NCAPG2: variants seen among roughly 807,000 people sequenced by gnomAD.
NCAPG2 encodes the protein condensin-2 complex subunit G2.
Under a neutral mutation model 141.1 loss-of-function variants are expected in NCAPG2, and 53 were observed. The observed-to-expected ratio is 0.38, with a 90% CI of 0.30 to 0.47. The LOEUF (loss-of-function observed/expected upper bound fraction) is 0.47, where lower values mean the gene tolerates loss of function less well. Among genes scored for constraint, NCAPG2 ranks in the 20% least tolerant of loss-of-function variants. NCAPG2 has a pLI of 0.99. For missense variants in NCAPG2, 1,087 were observed against 1,389.0 expected (o/e 0.78, Z 3.46); for synonymous variants, 499 against 490.7 (o/e 1.02, Z -0.22).
At chr7:158,670,942 C>A (rs1392905738) in intron 13 of NCAPG2, among the ~76,000 whole-genome samples, 1 of 152,152 alleles carries the variant, frequency 6.6e-6, no homozygotes, top group East Asian at 1.9e-4. Flanking sequence ...ATAATGAAGT[C>A]AAGAACATTA....
At chr7:158,658,663 C>G (rs897942180) in intron 16 of NCAPG2, among the ~76,000 whole-genome samples, 1 of 152,042 alleles carries the variant, frequency 6.6e-6, no homozygotes, top group Non-Finnish European at 1.5e-5. Flanking sequence ...TTGCTATGTA[C>G]CCAGTACCAA....
At chr7:158,679,163 T>G (rs1834290625) in intron 11 of NCAPG2, among the ~76,000 whole-genome samples, 1 of 152,250 alleles carries the variant, frequency 6.6e-6, no homozygotes, top group Non-Finnish European at 1.5e-5. Flanking sequence ...CCTATTATAC[T>G]ATTACTTTAA....
At chr7:158,690,879 T>C (rs968926054) in intron 4 of NCAPG2, among the ~76,000 whole-genome samples, 157 bp from the exon 5 acceptor site, 1 of 152,202 alleles carries the variant, frequency 6.6e-6, no homozygotes, top group African/African-American at 2.4e-5. Flanking sequence ...TATACATTAG[T>C]TATAAAATGC....
intron 15 of NCAPG2, among the ~76,000 whole-genome samples, chr7:158,663,222 GAA>G (rs569629291): frequency 6.6e-6 from 1 of 152,174 alleles, no homozygotes; most frequent in East Asian, 1.9e-4. Context: ...CCTGAGAGAA[GAA>G]ACTCAAACTC....
At chr7:158,683,579 T>C (rs6956496) in intron 8 of NCAPG2, among the ~76,000 whole-genome samples, 193 bp from the exon 9 acceptor site, 45,807 of 152,172 alleles carry the variant, frequency 0.3, 7,110 homozygotes, top group East Asian at 0.4. Flanking sequence ...GGTTTTCTTA[T>C]AGCAAGGAGA....
intron 2 of NCAPG2, among the ~76,000 whole-genome samples, chr7:158,698,930 C>T (rs1176726891): frequency 6.6e-6 from 1 of 151,856 alleles, no homozygotes; most frequent in Admixed American, 6.6e-5. Flanking sequence ...GGACCACAGG[C>T]ACAAGCCACT....
intron 11 of NCAPG2, among the ~76,000 whole-genome samples, chr7:158,676,268 T>C (rs1212827304): frequency 6.6e-6 from 1 of 152,188 alleles, no homozygotes; most frequent in Non-Finnish European, 1.5e-5. Flanking sequence ...ATGGGTTCTA[T>C]AAAATCCAGA....
At chr7:158,643,232 G>C (rs1830766122) in intron 27 of NCAPG2, among the ~76,000 whole-genome samples, 1 of 151,854 alleles carries the variant, frequency 6.6e-6, no homozygotes, top group East Asian at 1.9e-4. Context: ...CCAAAGTGCT[G>C]GGATTACAGG....
chr7:158,683,931 G>A (rs1834597388), intron 8 of NCAPG2, among the ~76,000 whole-genome samples: 1 of 152,170 alleles, frequency 6.6e-6, no homozygotes. Flanking sequence ...TGCAGCAACT[G>A]GGAAAAGGCC....
chr7:158,675,561 G>T lies in NCAPG2; in HGVS notation c.1242C>A (p.Thr414=), dbSNP rs375838381. ...TSKYWEMMPP[T]ILIDLLKKVT... is the part of the protein sequence containing the mutation. ...CCTTCTTCAGGAGGTCAATAAGAATGGTCGGGGGCATCATTTCCCAGTACT... is the reference window on the plus strand; with the variant it reads ...CCTTCTTCAGGAGGTCAATAAGAATTGTCGGGGGCATCATTTCCCAGTACT... Residue 414 remains threonine (T), a synonymous_variant, in exon 12 of 28, where the codon ACC becomes ACA. Transcript: ENST00000356309. 6.2e-7 allele frequency: 1 copy of T among 1,613,700 alleles called. No individual in the cohort carries two copies. Among genetic ancestry groups the T allele is most frequent in the African/African-American group, 1.3e-5 (1 of 75,006 alleles).
In NCAPG2 at chr7:158,657,099, AC is replaced by A. The variant is rs1244055277; in HGVS notation, c.2061-395del. Among the ~76,000 whole-genome samples, 5 of 152,306 alleles carry A rather than the reference AC, an allele frequency of 3.3e-5. 1 individual carries two copies. Among genetic ancestry groups the A allele is most frequent in the Admixed American group, 6.5e-5 (1 of 15,296 alleles). Reference sequence around the variant, plus strand: ...ATAATTTTTATTGAGATAATCACCAACATTGTAGAGCTCTAATGAAAAATAT... The same window carrying A: ...ATAATTTTTATTGAGATAATCACCAAATTGTAGAGCTCTAATGAAAAATAT... On this transcript the variant is annotated intron_variant, in intron 17 of 27. Transcript: ENST00000356309.
chr7:158,660,097 GAAA>G (rs1253820297), intron 16 of NCAPG2, among the ~76,000 whole-genome samples: 1 of 118,482 alleles, frequency 8.4e-6, no homozygotes. Flanking sequence ...GACAGAGCGA[GAAA>G]AAAAAAAAAA....
At chr7:158,661,197 A>G (rs927749682) in intron 16 of NCAPG2, among the ~76,000 whole-genome samples, 6 of 152,212 alleles carry the variant, frequency 3.9e-5, no homozygotes, top group African/African-American at 1.4e-4. Context: ...AAAGGGTTAG[A>G]AAAGCTACAT....
intron 4 of NCAPG2, among the ~76,000 whole-genome samples, chr7:158,691,627 T>C (rs566937978): frequency 6.6e-6 from 1 of 152,378 alleles, no homozygotes; most frequent in South Asian, 2.1e-4. Context: ...AAGATATTTT[T>C]ACATCTTTTG....
rs776195146 is a variant in NCAPG2, at chr7:158,656,413, A to G, written c.2235T>C (p.Gly745=). ...GGCGTGTGTCATGGATCTGCACCCT[A>G]CCTTTAGAAGCTGTGTTGCTCTGAA... is the stretch of plus-strand genomic sequence containing the variant. ...AQAKSNTASK[G]RVQIHDTRPV... is the part of the protein sequence containing the mutation. The change falls in exon 19 of 28, where the codon GGT becomes GGC. Residue 745 remains glycine, a synonymous_variant. Transcript: ENST00000356309. The G allele has an allele frequency of 2.5e-6, 4 of 1,614,044 alleles. 1 individual carries two copies. In the African/African-American group the frequency reaches 5.3e-5, roughly 22 times the overall value.
intron 8 of NCAPG2, among the ~76,000 whole-genome samples, chr7:158,685,423 A>C (rs1834697631): frequency 6.6e-6 from 1 of 152,228 alleles, no homozygotes; most frequent in African/African-American, 2.4e-5. Flanking sequence ...AATTACTTCA[A>C]TATTACACAG....
chr7:158,692,912 A>T lies in NCAPG2; in HGVS notation c.312T>A (p.Leu104=). The T allele has an allele frequency of 6.3e-7, 1 of 1,594,912 alleles. No homozygotes were observed. The highest frequency in any genetic ancestry group is 8.6e-7 in the Non-Finnish European group (1 of 1,166,364). ...EIIYAITSVI[L]ASVSVINESE... ...TTTCATTTATTACAGACACAGAAGC[A>T]AGAATCACAGATGTAATTGCATAAA... is the stretch of plus-strand genomic sequence containing the variant. The change falls in exon 4 of 28, where the codon CTT becomes CTA. Residue 104 remains leucine, a synonymous_variant. Transcript: ENST00000356309.
chr7:158,702,182 C>G (rs1587323128), intron 1 of NCAPG2: 1 of 296,474 alleles, frequency 3.4e-6, no homozygotes, highest in East Asian at 8.5e-5. Flanking sequence ...AATAAAATTA[C>G]CAACTAAGGA....
intron 13 of NCAPG2, chr7:158,667,256 G>A: frequency 3.1e-6 from 3 of 983,060 alleles, no homozygotes; most frequent in Non-Finnish European, 3.6e-6. Context: ...GTGGGCCAGA[G>A]ACCCTGTGTC....
Sources: allele counts gnomAD v4.1 joint callset (sites outside exome capture counted in the v4.1 genomes callset), GRCh38; gene constraint gnomAD v4.1.1; transcripts MANE v1.5; gene names NCBI Gene and HGNC (gene_info 2026-07-23, HGNC 2026-07-21).